The following GRID2 variants were observed in gnomAD, a reference collection of about 807,000 sequenced individuals.
GRID2 encodes the protein glutamate receptor ionotropic, delta-2.
A neutral mutation model predicts 114.8 loss-of-function variants in GRID2; 33 were observed. The observed-to-expected ratio is 0.29, with a 90% CI of 0.22 to 0.38. GRID2 has a LOEUF of 0.38. GRID2 is among the 10% of genes least tolerant of loss of function. GRID2 has a pLI of 1.00. For missense variants in GRID2, 1,184 were observed against 1,257.7 expected (o/e 0.94, Z 0.89); for synonymous variants, 505 against 449.9 (o/e 1.12, Z -1.55).
chr4:93,431,929 A>G (rs896445421), intron 10 of GRID2, among the ~76,000 whole-genome samples: 3 of 152,242 alleles, frequency 2.0e-5, no homozygotes, highest in African/African-American at 7.2e-5. Flanking sequence ...GATACTGAAT[A>G]TAATATAATG....
At chr4:93,713,491 C>A (rs1431708523) in intron 14 of GRID2, among the ~76,000 whole-genome samples, 1 of 151,460 alleles carries the variant, frequency 6.6e-6, no homozygotes, top group Non-Finnish European at 1.5e-5. Flanking sequence ...CTTACTATTT[C>A]CCATTGATTA....
chr4:93,203,456 C>A (rs192641793), intron 4 of GRID2, among the ~76,000 whole-genome samples: 2 of 152,006 alleles, frequency 1.3e-5, no homozygotes, highest in East Asian at 1.9e-4. Context: ...TAGTATAATT[C>A]GTTTTTCTTC....
chr4:93,255,354 G>T (rs181938551), intron 8 of GRID2, among the ~76,000 whole-genome samples: 14 of 152,088 alleles, frequency 9.2e-5, no homozygotes, highest in Non-Finnish European at 1.8e-4. Context: ...TTCTAGTTAG[G>T]TATCTTTTCC....
At chr4:92,755,919 T>C (rs1377636090) in intron 2 of GRID2, among the ~76,000 whole-genome samples, 2 of 152,186 alleles carry the variant, frequency 1.3e-5, no homozygotes, top group Non-Finnish European at 2.9e-5. Context: ...TCAGGGTAGC[T>C]AAGATGGTCA....
At chr4:93,551,757 C>T (rs188395146) in intron 13 of GRID2, among the ~76,000 whole-genome samples, 46 of 152,284 alleles carry the variant, frequency 3.0e-4, no homozygotes, top group Non-Finnish European at 5.7e-4. Context: ...ATGGCCAAAA[C>T]TGCAATTGCT....
chr4:92,933,279 T>A (rs1287885914), intron 2 of GRID2, among the ~76,000 whole-genome samples: 1 of 151,334 alleles, frequency 6.6e-6, no homozygotes, highest in Admixed American at 6.6e-5. Flanking sequence ...TACATTATTT[T>A]AAGTGGTGTA....
At chr4:93,646,792 C>T (rs1392780127) in intron 14 of GRID2, among the ~76,000 whole-genome samples, 1 of 151,934 alleles carries the variant, frequency 6.6e-6, no homozygotes, top group African/African-American at 2.4e-5. Context: ...ACTGATAGGA[C>T]TGGAAACTGT....
chr4:93,165,270 T>C (rs1204566463), intron 4 of GRID2, among the ~76,000 whole-genome samples: 1 of 152,100 alleles, frequency 6.6e-6, no homozygotes, highest in African/African-American at 2.4e-5. Context: ...AATGTCATAG[T>C]AGGTTGTTGT....
intron 13 of GRID2, among the ~76,000 whole-genome samples, chr4:93,618,198 G>A (rs1021329795): frequency 2.0e-5 from 3 of 152,180 alleles, no homozygotes; most frequent in African/African-American, 7.2e-5. Flanking sequence ...ATTATTTGTT[G>A]TAGCCTCAAA....
intron 13 of GRID2, among the ~76,000 whole-genome samples, chr4:93,594,836 C>T (rs1448579339): frequency 1.3e-5 from 2 of 152,208 alleles, no homozygotes; most frequent in African/African-American, 4.8e-5. Context: ...TCCATCACCC[C>T]TTTCTTTGAT....
In GRID2 at chr4:93,398,135, A is replaced by ATGTG. The variant is rs200958425; in HGVS notation, c.1347+2428_1347+2429insGTGT. Among the ~76,000 whole-genome samples, 7 of 100,452 alleles carry ATGTG rather than the reference A, an allele frequency of 7.0e-5. 1 individual carries two copies. Among genetic ancestry groups the ATGTG allele is most frequent in the African/African-American group, 4.5e-4 (7 of 15,552 alleles). 65.9% of individuals were successfully genotyped at this position (100,452 alleles called of 152,430 possible). A position where few individuals can be genotyped will look rare whatever the true frequency, so the allele number is the denominator to read the frequency against. ...AATACATACATGTATGTGTGTGTGT[A>ATGTG]TATATATATATATATATCTTATCAT... On this transcript the variant is annotated intron_variant, in intron 9 of 15. Coordinates refer to ENST00000282020, the MANE Select transcript of GRID2 (RefSeq NM_001510.4).
chr4:93,614,447 G>T (rs1741369746), intron 13 of GRID2, among the ~76,000 whole-genome samples: 2 of 151,876 alleles, frequency 1.3e-5, no homozygotes, highest in Non-Finnish European at 1.5e-5. Flanking sequence ...AGACAACCCA[G>T]AACACAAATG....
intron 1 of GRID2, among the ~76,000 whole-genome samples, chr4:92,558,952 A>G (rs1726992391): frequency 6.6e-6 from 1 of 152,178 alleles, no homozygotes; most frequent in African/African-American, 2.4e-5. Flanking sequence ...TCAAACCTTT[A>G]ATAAATTTAC....
At position 92,462,916 on chromosome 4, in the gene GRID2, C is replaced by A. The variant is rs533884453; in HGVS notation, c.89-127215C>A. Among the ~76,000 whole-genome samples the A allele has an allele frequency of 2.0e-5, 3 of 152,054 alleles. No homozygotes were observed. In the South Asian group the frequency reaches 6.2e-4, roughly 32 times the overall value. On this transcript the variant is annotated intron_variant, in intron 1 of 15. Transcript: ENST00000282020. ...ATAGGTGCTTTCTTACTATGAAAGA[C>A]ACAATTGTCCCTTATTCTAATTTGC...
At chr4:92,995,229 A>T (rs1158620026) in intron 2 of GRID2, among the ~76,000 whole-genome samples, 1 of 152,054 alleles carries the variant, frequency 6.6e-6, no homozygotes, top group Non-Finnish European at 1.5e-5. Context: ...ACTTTTCCTC[A>T]CAAGTGGATA....
chr4:92,339,708 CT>C (rs1727376493), intron 1 of GRID2, among the ~76,000 whole-genome samples: 1 of 152,140 alleles, frequency 6.6e-6, no homozygotes, highest in South Asian at 2.1e-4. Context: ...AATGCTACCA[CT>C]TTATTATTCT....
intron 11 of GRID2, among the ~76,000 whole-genome samples, chr4:93,461,995 T>A (rs1580152660): frequency 6.6e-6 from 1 of 152,156 alleles, no homozygotes; most frequent in African/African-American, 2.4e-5. Context: ...CAAAGGGAAA[T>A]TTCAGAATTA....
chr4:93,277,736 T>G (rs1368778765), intron 8 of GRID2, among the ~76,000 whole-genome samples: 2 of 151,882 alleles, frequency 1.3e-5, no homozygotes, highest in Non-Finnish European at 2.9e-5. Flanking sequence ...CTATCCCCAC[T>G]TCACCCCTTT....
chr4:93,230,424 C>T (rs1311516415), intron 7 of GRID2, among the ~76,000 whole-genome samples: 3 of 151,910 alleles, frequency 2.0e-5, no homozygotes, highest in Admixed American at 2.0e-4. Flanking sequence ...CTTAAACATA[C>T]CAGGAGCATT....
Sources: gnomAD v4.1 joint callset for allele counts (sites outside exome capture counted in the v4.1 genomes callset) on GRCh38, gnomAD v4.1.1 for gene constraint, MANE v1.5 for transcripts, NCBI Gene and HGNC (gene_info 2026-07-23, HGNC 2026-07-21) for gene names.